Variants in LRIT3 observed in about 807,000 individuals in gnomAD.
LRIT3 encodes leucine-rich repeat, immunoglobulin-like domain and transmembrane domain-containing protein 3.
LRIT3 carries 14 observed loss-of-function variants against 22.6 expected under a neutral mutation model. The observed-to-expected ratio is 0.62, with a 90% CI of 0.41 to 0.97. The LOEUF (loss-of-function observed/expected upper bound fraction) is 0.97, where lower values mean the gene tolerates loss of function less well. Among genes scored for constraint, LRIT3 ranks in the 50% least tolerant of loss-of-function variants. The pLI, the probability that LRIT3 is intolerant of heterozygous loss-of-function variation, is 0.00. For synonymous variants in LRIT3, 306 were observed against 304.5 expected (o/e 1.01, Z -0.05); for missense variants, 783 against 803.0 (o/e 0.98, Z 0.30).
intron 2 of LRIT3, among the ~76,000 whole-genome samples, chr4:109,856,400 T>A (rs1479526873): frequency 6.6e-6 from 1 of 152,130 alleles, no homozygotes; most frequent in Admixed American, 6.6e-5. Context: ...ATAGCACAAA[T>A]TATACACAGA....
intron 2 of LRIT3, among the ~76,000 whole-genome samples, chr4:109,856,942 C>T (rs147857356): frequency 2.0e-5 from 3 of 152,126 alleles, no homozygotes; most frequent in East Asian, 1.9e-4. Flanking sequence ...AAAAATAAAT[C>T]GTTTACTCCT....
At chr4:109,864,116 G>A (rs74710510) in intron 2 of LRIT3, among the ~76,000 whole-genome samples, 1 of 152,088 alleles carries the variant, frequency 6.6e-6, no homozygotes, top group Non-Finnish European at 1.5e-5. Context: ...GATGAGCATA[G>A]CTTTTATATA....
chr4:109,865,162 A>C, intron 2 of LRIT3: 1 of 1,459,980 alleles, frequency 6.8e-7, no homozygotes, highest in Non-Finnish European at 9.3e-7. Flanking sequence ...GCATTTATCT[A>C]GTCAACTCTC....
intron 2 of LRIT3, chr4:109,865,082 T>A (rs756441383): frequency 2.1e-5 from 30 of 1,410,034 alleles, no homozygotes; most frequent in Non-Finnish European, 2.5e-5. Context: ...CCATCTTTGG[T>A]TTCTTTTAGT....
intron 2 of LRIT3, among the ~76,000 whole-genome samples, chr4:109,857,220 C>T (rs1734425520): frequency 6.9e-6 from 1 of 145,026 alleles, no homozygotes; most frequent in Admixed American, 7.2e-5. Context: ...TTTTGTTGGA[C>T]TCCATATAGA....
chr4:109,850,187 T>G (rs1431181935), intron 1 of LRIT3, among the ~76,000 whole-genome samples: 1 of 152,222 alleles, frequency 6.6e-6, no homozygotes, highest in Non-Finnish European at 1.5e-5. Context: ...AATTATTTAC[T>G]AAATTTATAG....
chr4:109,855,096 C>T (rs868361841), intron 2 of LRIT3, among the ~76,000 whole-genome samples: 8 of 149,806 alleles, frequency 5.3e-5, no homozygotes, highest in Middle Eastern at 3.2e-3. Context: ...AAAATGAATT[C>T]CTGTTTTTCT....
intron 2 of LRIT3, among the ~76,000 whole-genome samples, chr4:109,858,563 A>G (rs934512249): frequency 6.6e-6 from 1 of 152,102 alleles, no homozygotes; most frequent in Non-Finnish European, 1.5e-5. Flanking sequence ...TTAAAATAGA[A>G]ACTTTTGACC....
intron 2 of LRIT3, among the ~76,000 whole-genome samples, chr4:109,863,667 C>G (rs192423975): frequency 9.8e-5 from 15 of 152,330 alleles, no homozygotes; most frequent in Non-Finnish European, 1.5e-4. Flanking sequence ...ATAAAGATGT[C>G]TCCCTTCAGT....
intron 2 of LRIT3, 21 bp from the exon 3 acceptor site, chr4:109,867,620 C>T (rs1286240994): frequency 6.2e-7 from 1 of 1,604,712 alleles, no homozygotes; most frequent in African/African-American, 1.3e-5. Context: ...CTTTGTCAAC[C>T]TTTCCCACCT....
At position 109,867,760 on chromosome 4, in the gene LRIT3, C is replaced by T. The variant is rs184666295; in HGVS notation, c.709C>T (p.Arg237Cys). The T allele has an allele frequency of 1.9e-5, 30 of 1,614,142 alleles. No individual in the cohort carries two copies. Among genetic ancestry groups the T allele is most frequent in the East Asian group, 1.8e-4 (8 of 44,888 alleles). Residue 237 changes from arginine to cysteine, a missense_variant, in exon 3 of 4, where the codon CGC becomes TGC. Physicochemically the swap from Arg to Cys is radical, Grantham distance 180. Around this residue, in one of 2 missense-constraint regions of LRIT3, gnomAD observed 756 missense variants for 753.8 expected, o/e 1.00. Transcript: ENST00000594814. ...DPLMTCSEPE[R>C]LTGILFQRAE... ...ACTGATGACTTGCAGTGAACCTGAGCGCCTCACAGGAATTTTGTTTCAGCG... is the reference window on the plus strand; with the variant it reads ...ACTGATGACTTGCAGTGAACCTGAGTGCCTCACAGGAATTTTGTTTCAGCG...
intron 2 of LRIT3, among the ~76,000 whole-genome samples, chr4:109,852,239 C>A (rs1032625416): frequency 6.6e-6 from 1 of 152,100 alleles, no homozygotes; most frequent in African/African-American, 2.4e-5. Flanking sequence ...GAGAGAGGAC[C>A]ATTTCTCTTA....
chr4:109,854,304 T>A (rs1734348819), intron 2 of LRIT3, among the ~76,000 whole-genome samples: 1 of 152,192 alleles, frequency 6.6e-6, no homozygotes, highest in Non-Finnish European at 1.5e-5. Context: ...ATCCTTCACA[T>A]CCCTTGTTAA....
rs1734507418 is a variant in LRIT3, at chr4:109,860,402, T to C, written c.590-7239T>C. 2.6e-5 allele frequency among the ~76,000 whole-genome samples: 4 copies of C among 152,204 alleles called. No homozygotes were observed. The South Asian group carries it at 6.2e-4, about 24-fold the overall frequency. ...CTCTGTAGATGTGCCCCACCCTTTT[T>C]TGGTTTGAGGAAACAAATCCACATA... On this transcript the variant is annotated intron_variant, in intron 2 of 3. Transcript: ENST00000594814.
chr4:109,867,909 A>T lies in LRIT3; in HGVS notation c.858A>T (p.Thr286=). ...CTGGCTTCCCCACCCCACAGATCAC[A>T]TGGACCAGATCTGACAGCTCGCCAG... ...DATGFPTPQI[T]WTRSDSSPVN... The change falls in exon 3 of 4, where the codon ACA becomes ACT. Residue 286 remains threonine (T), a synonymous_variant. Coordinates refer to ENST00000594814, the MANE Select transcript of LRIT3 (RefSeq NM_198506.5). 3 of 1,613,544 alleles carry T rather than the reference A, an allele frequency of 1.9e-6. No homozygotes were observed. The highest frequency in any genetic ancestry group is 1.7e-6 in the Non-Finnish European group (2 of 1,179,922).
rs1251604633 is a variant in LRIT3 at position 109,871,496 on chromosome 4, A to T, written c.*707A>T. 6.6e-6 allele frequency: 1 copy of T among 152,212 alleles called. No homozygotes were observed. Among genetic ancestry groups the T allele is most frequent in the Non-Finnish European group, 1.5e-5 (1 of 68,042 alleles). The allele number at this position is 152,212 out of a possible 1,614,324, so 9.4% of individuals were successfully genotyped here. On this transcript the variant is annotated 3_prime_UTR_variant, in exon 4 of 4. Transcript: ENST00000594814. ...CGACTGACAGATTATATGGATATTT[A>T]AAAATAACTTTAAATCAATCTTTTA...
chr4:109,870,888 C>T lies in LRIT3; in HGVS notation c.*99C>T. On this transcript the variant is annotated 3_prime_UTR_variant, in exon 4 of 4. Coordinates refer to ENST00000594814, the MANE Select transcript of LRIT3 (RefSeq NM_198506.5). ...CTTTTGGACAGACTTTCACATTGTA[C>T]ATGAAAATCACAAATGGAATGCTTT... The T allele has an allele frequency of 8.2e-7, 1 of 1,218,758 alleles. No individual in the cohort carries two copies. The highest frequency in any genetic ancestry group is 1.1e-6 in the Non-Finnish European group (1 of 893,302). The allele number at this position is 1,218,758 out of a possible 1,614,324, so 75.5% of individuals were successfully genotyped here.
chr4:109,856,740 A>G (rs1317653401), intron 2 of LRIT3, among the ~76,000 whole-genome samples: 2 of 152,182 alleles, frequency 1.3e-5, no homozygotes, highest in East Asian at 3.8e-4. Context: ...TCCATATAAT[A>G]GTTTGTCTTA....
intron 2 of LRIT3, among the ~76,000 whole-genome samples, chr4:109,865,793 GTTA>G (rs761897586): frequency 5.9e-5 from 9 of 152,148 alleles, no homozygotes; most frequent in Non-Finnish European, 1.2e-4. Context: ...GAGAGAGGTT[GTTA>G]TTATAGATAT....
Sources: gnomAD v4.1 joint callset for allele counts (sites outside exome capture counted in the v4.1 genomes callset) on GRCh38, gnomAD v4.1.1 for gene constraint, gnomAD v4.1.1 regional missense constraint, MANE v1.5 for transcripts, NCBI Gene and HGNC (gene_info 2026-07-23, HGNC 2026-07-21) for gene names.